AKAP19: variants seen among roughly 807,000 people sequenced by gnomAD.
The protein encoded by AKAP19 is A-kinase anchoring protein 19, also known as small A-kinase anchoring protein.
At chr2:189,942,757 C>T in the AKAP19 span, among the ~76,000 whole-genome samples, 14 of 152,218 alleles carry the variant, frequency 9.2e-5, no homozygotes, top group African/African-American at 3.4e-4. Context: ...TGTGTTATGC[C>T]TTAGCAAAGA....
At chr2:190,098,731 C>T in the AKAP19 span, among the ~76,000 whole-genome samples, 3 of 152,202 alleles carry the variant, frequency 2.0e-5, no homozygotes, top group Non-Finnish European at 4.4e-5. Flanking sequence ...ATGTTATCTT[C>T]CAATATAAGG....
At chr2:189,970,016 G>C in the AKAP19 span, among the ~76,000 whole-genome samples, 5,119 of 151,624 alleles carry the variant, frequency 0.034, 274 homozygotes, top group African/African-American at 0.11. Context: ...AGGACTACAG[G>C]TGTGCATACA....
the AKAP19 span, among the ~76,000 whole-genome samples, chr2:190,064,523 T>C: frequency 6.6e-6 from 1 of 152,076 alleles, no homozygotes; most frequent in South Asian, 2.1e-4. Context: ...TATGTGATAA[T>C]GGATGAGATA....
chr2:190,031,375 C>T, the AKAP19 span, among the ~76,000 whole-genome samples: 1 of 152,164 alleles, frequency 6.6e-6, no homozygotes, highest in South Asian at 2.1e-4. Context: ...CAGTGAGATT[C>T]ATATACAGCT....
the AKAP19 span, among the ~76,000 whole-genome samples, chr2:190,109,461 G>A: frequency 2.6e-5 from 4 of 151,732 alleles, no homozygotes; most frequent in Admixed American, 1.3e-4. Context: ...CAATCCCTCC[G>A]CATGGGGTAG....
At chr2:189,950,416 G>A in the AKAP19 span, among the ~76,000 whole-genome samples, 1 of 149,014 alleles carries the variant, frequency 6.7e-6, no homozygotes, top group African/African-American at 2.5e-5. Flanking sequence ...AGAAGAATAA[G>A]GAGTTCAATC....
chr2:190,063,500 T>C, the AKAP19 span, among the ~76,000 whole-genome samples: 1 of 152,100 alleles, frequency 6.6e-6, no homozygotes, highest in Admixed American at 6.6e-5. Context: ...AGTAGAAAAA[T>C]CTCTGAACAT....
At chr2:189,887,195 G>A in the AKAP19 span, among the ~76,000 whole-genome samples, 1 of 152,060 alleles carries the variant, frequency 6.6e-6, no homozygotes. Context: ...CTGTGTCCAT[G>A]TGTTCTCATT....
the AKAP19 span, among the ~76,000 whole-genome samples, chr2:190,178,686 C>T: frequency 1.3e-5 from 2 of 152,222 alleles, no homozygotes; most frequent in South Asian, 2.1e-4. This position sits in a 1 kb window ranked among gnomAD's most constrained non-coding sequence, Gnocchi z 6.3. Context: ...CCTCATGGCC[C>T]GCTTCATCTG....
At chr2:190,119,972 A>T in the AKAP19 span, among the ~76,000 whole-genome samples, 1 of 152,198 alleles carries the variant, frequency 6.6e-6, no homozygotes, top group Non-Finnish European at 1.5e-5. Flanking sequence ...AACTTTGTAA[A>T]GGCAGACTTA....
the AKAP19 span, among the ~76,000 whole-genome samples, chr2:190,132,767 A>C: frequency 3.2e-3 from 485 of 152,312 alleles, 2 homozygotes; most frequent in Non-Finnish European, 5.7e-3. Flanking sequence ...CAAGCAACAA[A>C]AGCAAAAATA....
the AKAP19 span, among the ~76,000 whole-genome samples, chr2:190,097,848 C>G: frequency 1.0e-5 from 1 of 99,474 alleles, no homozygotes; most frequent in African/African-American, 4.2e-5. Context: ...ACAGTGAGAG[C>G]TGGTTTCTAC....
the AKAP19 span, among the ~76,000 whole-genome samples, chr2:190,096,479 T>C: frequency 6.6e-6 from 1 of 152,204 alleles, no homozygotes; most frequent in Non-Finnish European, 1.5e-5. Flanking sequence ...TCCCTGCACC[T>C]TTAGCAGGTA....
the AKAP19 span, among the ~76,000 whole-genome samples, chr2:190,120,818 G>C: frequency 6.6e-6 from 1 of 152,126 alleles, no homozygotes; most frequent in Non-Finnish European, 1.5e-5. Context: ...CATTTTTAAA[G>C]TCCCACACTT....
At chr2:189,965,229 T>C in the AKAP19 span, among the ~76,000 whole-genome samples, 1 of 152,128 alleles carries the variant, frequency 6.6e-6, no homozygotes, top group Non-Finnish European at 1.5e-5. Context: ...ATTAATTAAG[T>C]TTGCCGTCTT....
At chr2:190,015,326 C>A in the AKAP19 span, among the ~76,000 whole-genome samples, 1 of 152,190 alleles carries the variant, frequency 6.6e-6, no homozygotes, top group African/African-American at 2.4e-5. Flanking sequence ...CACTCATGGG[C>A]CCAACACCAC....
the AKAP19 span, among the ~76,000 whole-genome samples, chr2:190,044,728 G>A: frequency 6.6e-6 from 1 of 152,200 alleles, no homozygotes; most frequent in African/African-American, 2.4e-5. Flanking sequence ...GGGCCTAGTT[G>A]CCTAGGCCAG....
chr2:190,167,674 C>T, the AKAP19 span, among the ~76,000 whole-genome samples: 772 of 152,310 alleles, frequency 5.1e-3, 4 homozygotes, highest in Middle Eastern at 0.017. Flanking sequence ...AAGGGGCTAC[C>T]GGCCCCATGC....
At chr2:189,917,277 G>C in the AKAP19 span, 1 of 1,394,946 alleles carries the variant, frequency 7.2e-7, no homozygotes, top group Non-Finnish European at 9.9e-7. Flanking sequence ...GAGCAAATCA[G>C]TTTTGGTTTC....
Sources: allele counts gnomAD v4.1 joint callset (sites outside exome capture counted in the v4.1 genomes callset), GRCh38; gene constraint gnomAD v4.1.1; non-coding constraint Gnocchi (gnomAD v3.1); transcripts MANE v1.5; gene names NCBI Gene and HGNC (gene_info 2026-07-23, HGNC 2026-07-21).